CUBN: variants seen among roughly 807,000 people sequenced by gnomAD.
CUBN encodes the protein cubilin, also known as 460 kDa receptor.
A neutral mutation model predicts 405.3 loss-of-function variants in CUBN; 282 were observed. The ratio of observed to expected loss-of-function variants is 0.70; its 90% CI spans 0.63 to 0.77. CUBN has a LOEUF of 0.77. Ranked by LOEUF, CUBN falls within the 30% of genes least tolerant of loss-of-function variation. CUBN has a pLI of 0.00. For missense variants in CUBN, 4,514 were observed against 4,475.2 expected (o/e 1.01, Z -0.25); for synonymous variants, 1,684 against 1,617.0 (o/e 1.04, Z -0.99).
At chr10:17,060,308 A>T (rs964600587) in intron 22 of CUBN, among the ~76,000 whole-genome samples, 1 of 151,356 alleles carries the variant, frequency 6.6e-6, no homozygotes, top group Non-Finnish European at 1.5e-5. Context: ...TTTAGTAGAA[A>T]CTGGGTTTCT....
intron 6 of CUBN, among the ~76,000 whole-genome samples, chr10:17,116,076 A>G (rs1441718210): frequency 6.6e-6 from 1 of 152,228 alleles, no homozygotes; most frequent in African/African-American, 2.4e-5. Flanking sequence ...CTCACAGTCT[A>G]TGATCATTAT....
At chr10:16,876,458 A>T (rs1840504166) in intron 57 of CUBN, among the ~76,000 whole-genome samples, 1 of 152,192 alleles carries the variant, frequency 6.6e-6, no homozygotes, top group Non-Finnish European at 1.5e-5. Flanking sequence ...ATAGTGTTTT[A>T]AAAAAGTCTT....
At chr10:17,045,358 CTA>C (rs1029271773) in intron 24 of CUBN, among the ~76,000 whole-genome samples, 170 bp from the exon 25 acceptor site, 2 of 145,208 alleles carry the variant, frequency 1.4e-5, no homozygotes, top group African/African-American at 2.6e-5. Flanking sequence ...TTATTTTTTT[CTA>C]TTTTTTTTTT....
chr10:16,904,535 T>C (rs1841502345), intron 50 of CUBN, among the ~76,000 whole-genome samples: 1 of 152,242 alleles, frequency 6.6e-6, no homozygotes, highest in South Asian at 2.1e-4. Context: ...ATTTCTTCAC[T>C]ATATTCAATC....
chr10:16,892,273 C>T (rs915944385), intron 54 of CUBN, among the ~76,000 whole-genome samples: 1 of 151,954 alleles, frequency 6.6e-6, no homozygotes, highest in Admixed American at 6.6e-5. Context: ...AGGTGCCTGG[C>T]GCTGGACCTA....
At chr10:16,931,596 T>C (rs1842366978) in intron 40 of CUBN, among the ~76,000 whole-genome samples, 1 of 152,236 alleles carries the variant, frequency 6.6e-6, no homozygotes, top group Non-Finnish European at 1.5e-5. Context: ...TAAACTGAAA[T>C]CTAAACTATT....
chr10:16,959,885 G>A (rs1008409129), intron 31 of CUBN, among the ~76,000 whole-genome samples: 1 of 152,166 alleles, frequency 6.6e-6, no homozygotes, highest in Admixed American at 6.5e-5. Context: ...ACTGCCAAGA[G>A]TTTGCTAGGC....
At chr10:16,925,895 C>A in intron 41 of CUBN, 121 bp from the exon 42 acceptor site, 1 of 825,708 alleles carries the variant, frequency 1.2e-6, no homozygotes, top group Non-Finnish European at 2.0e-6. Context: ...GAAAATAAAG[C>A]CAGAGTGCAG....
At chr10:17,043,450 T>C (rs1445557715) in intron 26 of CUBN, among the ~76,000 whole-genome samples, 1 of 152,216 alleles carries the variant, frequency 6.6e-6, no homozygotes, top group Non-Finnish European at 1.5e-5. Flanking sequence ...AAGATTGCAA[T>C]GTGTGAGGCA....
chr10:17,052,393 C>A (rs555510393), intron 22 of CUBN, among the ~76,000 whole-genome samples: 3 of 152,064 alleles, frequency 2.0e-5, no homozygotes, highest in Admixed American at 1.3e-4. Context: ...GATAGGCTTT[C>A]TTTTCATTAT....
intron 14 of CUBN, among the ~76,000 whole-genome samples, chr10:17,092,899 C>G (rs911641029): frequency 1.3e-5 from 2 of 152,130 alleles, no homozygotes; most frequent in African/African-American, 4.8e-5. Context: ...TAAACTTGCT[C>G]TCACTTAAGA....
At chr10:16,920,231 T>C in intron 43 of CUBN, 94 bp from the exon 44 acceptor site, 1 of 1,231,576 alleles carries the variant, frequency 8.1e-7, no homozygotes, top group Admixed American at 1.9e-5. Context: ...TTCTCTGTAT[T>C]TTGTCTCCAT....
chr10:16,992,581 T>TA (rs141295708), intron 28 of CUBN, among the ~76,000 whole-genome samples: 8 of 149,756 alleles, frequency 5.3e-5, no homozygotes, highest in Admixed American at 2.7e-4. Context: ...GTTAAGGAGT[T>TA]AAAAAAAAAA....
chr10:17,096,767 A>G (rs1300389899), intron 14 of CUBN, among the ~76,000 whole-genome samples: 1 of 152,130 alleles, frequency 6.6e-6, no homozygotes, highest in Non-Finnish European at 1.5e-5. Context: ...AAATCTTAAC[A>G]AATTTTAAAG....
At chr10:17,083,459 C>T (rs1044736196) in intron 17 of CUBN, among the ~76,000 whole-genome samples, 1 of 151,966 alleles carries the variant, frequency 6.6e-6, no homozygotes, top group African/African-American at 2.4e-5. Context: ...GAGCTGAGAT[C>T]ATGACATTGT....
rs761858666 is a variant in CUBN, at chr10:16,920,134, C to A, written c.6650G>T (p.Cys2217Phe). Residue 2217 changes from cysteine (C) to phenylalanine (F), a missense_variant, in exon 44 of 67, where the codon TGT becomes TTT. Cys to Phe is a radical substitution (Grantham distance 205). Around this residue, in one of 5 missense-constraint regions of CUBN, gnomAD observed 1,613 missense variants for 1,542.8 expected, o/e 1.05. Transcript: ENST00000377833. ...ATCATGGATGTAGACGTTGCCCCCA[C>A]AGGCTGTGAGCAAACACACTTAAAT... ...KIKYEAKSLA[C>F]GGNVYIHDAD... 3 of 1,613,918 alleles carry A rather than the reference C, an allele frequency of 1.9e-6. No individual in the cohort carries two copies. In the Admixed American group the frequency reaches 5.0e-5, roughly 27 times the overall value.
intron 64 of CUBN, among the ~76,000 whole-genome samples, chr10:16,832,208 CT>C (rs1198115319): frequency 6.6e-6 from 1 of 152,198 alleles, no homozygotes; most frequent in African/African-American, 2.4e-5. Context: ...CTCGACGCTT[CT>C]TACGGAAACG....
intron 60 of CUBN, among the ~76,000 whole-genome samples, chr10:16,849,369 C>G (rs1287254604): frequency 6.7e-6 from 1 of 150,348 alleles, no homozygotes; most frequent in Non-Finnish European, 1.5e-5. Flanking sequence ...TCTCTGAAAT[C>G]TATGCTGACT....
At chr10:17,120,336 GA>G (rs1327379637) in intron 6 of CUBN, among the ~76,000 whole-genome samples, 1 of 152,138 alleles carries the variant, frequency 6.6e-6, no homozygotes, top group Non-Finnish European at 1.5e-5. Flanking sequence ...TGAATTACGG[GA>G]CTTAAAGTGT....
Sources: gnomAD v4.1 joint callset for allele counts (sites outside exome capture counted in the v4.1 genomes callset) on GRCh38, gnomAD v4.1.1 for gene constraint, gnomAD v4.1.1 regional missense constraint, MANE v1.5 for transcripts, NCBI Gene and HGNC (gene_info 2026-07-23, HGNC 2026-07-21) for gene names.